MICU1: variants seen among roughly 807,000 people sequenced by gnomAD.
MICU1 encodes the protein calcium uptake protein 1, mitochondrial.
Under a neutral mutation model 56.8 loss-of-function variants are expected in MICU1, and 45 were observed. The observed-to-expected ratio is 0.79, with a 90% CI of 0.62 to 1.02. The LOEUF is 1.02. MICU1 is among the 50% of genes least tolerant of loss of function. The probability of loss-of-function intolerance (pLI) is 0.00; values close to 1 mark genes in which losing one functional copy is unlikely to be tolerated. For missense variants in MICU1, 504 were observed against 587.1 expected (o/e 0.86, Z 1.46); for synonymous variants, 186 against 195.1 (o/e 0.95, Z 0.39).
intron 10 of MICU1, among the ~76,000 whole-genome samples, chr10:72,403,336 C>A (rs983140658): frequency 2.6e-5 from 4 of 151,546 alleles, no homozygotes; most frequent in Non-Finnish European, 5.9e-5. Flanking sequence ...CCAGCCTTGG[C>A]GAGAGAGAAA....
At chr10:72,482,889 T>C (rs1242716411) in intron 6 of MICU1, among the ~76,000 whole-genome samples, 3 of 151,518 alleles carry the variant, frequency 2.0e-5, no homozygotes, top group African/African-American at 7.3e-5. Context: ...AGAGTCTTGC[T>C]CTGTCGCCCA....
chr10:72,536,852 T>G (rs1490518006), intron 4 of MICU1, among the ~76,000 whole-genome samples: 1 of 152,192 alleles, frequency 6.6e-6, no homozygotes, highest in African/African-American at 2.4e-5. Flanking sequence ...AACTCAGACT[T>G]GCCACATTTC....
intron 11 of MICU1, among the ~76,000 whole-genome samples, chr10:72,371,210 CT>C (rs1862322758): frequency 1.4e-5 from 2 of 147,632 alleles, no homozygotes; most frequent in South Asian, 4.3e-4. Context: ...ACGGTGAAAC[CT>C]CGTCTCTACT....
intron 9 of MICU1, among the ~76,000 whole-genome samples, chr10:72,423,017 C>T (rs1417529580): frequency 2.0e-5 from 3 of 151,886 alleles, no homozygotes; most frequent in African/African-American, 7.3e-5. Context: ...TTGGTGCCAC[C>T]CTTTCCTGAA....
At chr10:72,459,697 A>G (rs560576676) in intron 8 of MICU1, among the ~76,000 whole-genome samples, 110 of 152,290 alleles carry the variant, frequency 7.2e-4, no homozygotes, top group Non-Finnish European at 1.2e-3. Context: ...TGTATCAACC[A>G]ACTCCTATAT....
chr10:72,547,897 T>C (rs1162045824), intron 4 of MICU1, among the ~76,000 whole-genome samples: 1 of 152,316 alleles, frequency 6.6e-6, no homozygotes, highest in East Asian at 1.9e-4. Context: ...TGTTATTAAG[T>C]TGACTACCAC....
At chr10:72,385,682 C>A (rs1217782106) in intron 10 of MICU1, among the ~76,000 whole-genome samples, 1 of 152,158 alleles carries the variant, frequency 6.6e-6, no homozygotes, top group Non-Finnish European at 1.5e-5. Context: ...GCCCCCCGCC[C>A]AGTATTTCCA....
intron 8 of MICU1, among the ~76,000 whole-genome samples, chr10:72,458,672 C>T (rs1304005703): frequency 6.6e-6 from 1 of 150,778 alleles, no homozygotes; most frequent in African/African-American, 2.4e-5. Context: ...ATAAGGCTCC[C>T]AGGGTCACAG....
At chr10:72,554,502 T>C (rs1270659696) in intron 3 of MICU1, among the ~76,000 whole-genome samples, 1 of 152,224 alleles carries the variant, frequency 6.6e-6, no homozygotes, top group Non-Finnish European at 1.5e-5. Flanking sequence ...ACCTAGGCTC[T>C]AGGAAACTTT....
intron 6 of MICU1, among the ~76,000 whole-genome samples, chr10:72,492,426 A>G (rs1401983915): frequency 6.6e-6 from 1 of 152,150 alleles, no homozygotes; most frequent in East Asian, 1.9e-4. Flanking sequence ...AGAATTGACA[A>G]TTTTGCTGAC....
At chr10:72,606,158 A>T (rs1841685197) in intron 1 of MICU1, among the ~76,000 whole-genome samples, 1 of 151,916 alleles carries the variant, frequency 6.6e-6, no homozygotes, top group African/African-American at 2.4e-5. Context: ...AATTTCACTA[A>T]AATGTTACAT....
At chr10:72,585,295 G>A (rs552616765) in intron 1 of MICU1, among the ~76,000 whole-genome samples, 2 of 151,910 alleles carry the variant, frequency 1.3e-5, no homozygotes, top group Non-Finnish European at 2.9e-5. Flanking sequence ...CTAAAGCTAA[G>A]ATACATTTCA....
At chr10:72,480,345 G>A (rs1286432398) in intron 6 of MICU1, among the ~76,000 whole-genome samples, 1 of 152,234 alleles carries the variant, frequency 6.6e-6, no homozygotes, top group Non-Finnish European at 1.5e-5. Context: ...ATTTCAGACG[G>A]GATCTGCTAA....
chr10:72,541,641 A>G (rs1366704458), intron 4 of MICU1, among the ~76,000 whole-genome samples: 2 of 152,078 alleles, frequency 1.3e-5, no homozygotes, highest in African/African-American at 4.8e-5. Context: ...CAAACTATCC[A>G]TAAAAACCCT....
chr10:72,549,873 T>C (rs1032449456), intron 4 of MICU1, among the ~76,000 whole-genome samples: 1 of 140,844 alleles, frequency 7.1e-6, no homozygotes, highest in African/African-American at 2.8e-5. Flanking sequence ...GAGATTGCAG[T>C]GAGCTGAGAT....
At chr10:72,414,959 A>G (rs1464999143) in intron 9 of MICU1, among the ~76,000 whole-genome samples, 1 of 150,178 alleles carries the variant, frequency 6.7e-6, no homozygotes, top group African/African-American at 2.5e-5. Flanking sequence ...CCTTCCTTAT[A>G]TCCCATGCCT....
intron 1 of MICU1, among the ~76,000 whole-genome samples, chr10:72,585,670 A>C (rs1841030083): frequency 6.6e-6 from 1 of 152,124 alleles, no homozygotes; most frequent in Non-Finnish European, 1.5e-5. Context: ...AAAAAAAAAA[A>C]AAAATTCATT....
intron 10 of MICU1, among the ~76,000 whole-genome samples, chr10:72,400,682 G>T (rs747364818): frequency 1.3e-5 from 2 of 152,030 alleles, no homozygotes; most frequent in African/African-American, 2.4e-5. Context: ...GGAGGTGGAG[G>T]TTGCAGTGAG....
chr10:72,545,788 GAC>G (rs1839880456), intron 4 of MICU1, among the ~76,000 whole-genome samples: 1 of 152,146 alleles, frequency 6.6e-6, no homozygotes, highest in Non-Finnish European at 1.5e-5. Flanking sequence ...CCCCAGAAGA[GAC>G]AGGTTTGCAG....
Sources: allele counts gnomAD v4.1 joint callset (sites outside exome capture counted in the v4.1 genomes callset), GRCh38; gene constraint gnomAD v4.1.1; transcripts MANE v1.5; gene names NCBI Gene and HGNC (gene_info 2026-07-23, HGNC 2026-07-21).